SLC39A12: variants seen among roughly 807,000 people sequenced by gnomAD.
The protein encoded by SLC39A12 is zinc transporter ZIP12.
A neutral mutation model predicts 71.1 loss-of-function variants in SLC39A12; 63 were observed. That is an observed-to-expected ratio of 0.89 (90% CI 0.72 to 1.09). SLC39A12 has a LOEUF of 1.09. SLC39A12 is among the 50% of genes least tolerant of loss of function. The pLI, the probability that SLC39A12 is intolerant of heterozygous loss-of-function variation, is 0.00. For missense variants in SLC39A12, 892 were observed against 812.6 expected (o/e 1.10, Z -1.19); for synonymous variants, 351 against 301.3 (o/e 1.16, Z -1.71).
intron 4 of SLC39A12, among the ~76,000 whole-genome samples, chr10:17,976,441 G>C (rs1487075343): frequency 6.6e-6 from 1 of 152,112 alleles, no homozygotes; most frequent in Non-Finnish European, 1.5e-5. Context: ...TGTTGGTACA[G>C]ATTCTCACTC....
chr10:18,017,013 A>G (rs1282987767), intron 12 of SLC39A12, among the ~76,000 whole-genome samples: 1 of 152,094 alleles, frequency 6.6e-6, no homozygotes, highest in Non-Finnish European at 1.5e-5. Flanking sequence ...ATTGTCTTTC[A>G]CTGAACTGAG....
rs782103906 is a variant in SLC39A12, at chr10:17,961,708, C to T, written c.389C>T (p.Ser130Phe). 3 of 1,614,090 alleles carry T rather than the reference C, an allele frequency of 1.9e-6. No individual in the cohort carries two copies. The highest frequency in any genetic ancestry group is 2.5e-6 in the Non-Finnish European group (3 of 1,179,976). Reference sequence around the variant, plus strand: ...ATTATTCATCAGGAAGAGATCTGTTCTTCAAAGCTCAACATGAGTAATAAA... The same window carrying T: ...ATTATTCATCAGGAAGAGATCTGTTTTTCAAAGCTCAACATGAGTAATAAA... ...YYIIHQEEIC[S>F]SKLNMSNKEY... Residue 130 changes from serine to phenylalanine, a missense_variant, in exon 3 of 13, where the codon TCT becomes TTT. Ser to Phe is a radical substitution (Grantham distance 155). Transcript: ENST00000377369.
chr10:17,968,304 T>C (rs1435287266), intron 4 of SLC39A12, among the ~76,000 whole-genome samples: 3 of 152,192 alleles, frequency 2.0e-5, no homozygotes, highest in Non-Finnish European at 4.4e-5. Context: ...GCATCCTTAT[T>C]ATGTTTCTGA....
At chr10:18,025,554 G>T (rs1343781448) in intron 12 of SLC39A12, among the ~76,000 whole-genome samples, 1 of 152,168 alleles carries the variant, frequency 6.6e-6, no homozygotes, top group Non-Finnish European at 1.5e-5. Context: ...CCCTACAAAG[G>T]ACATGAACTC....
chr10:17,958,666 T>C (rs1834610185), intron 2 of SLC39A12, among the ~76,000 whole-genome samples: 1 of 152,220 alleles, frequency 6.6e-6, no homozygotes, highest in Non-Finnish European at 1.5e-5. Context: ...GCAAGTTTCT[T>C]ATCCGCTTTA....
At chr10:18,036,370 G>C (rs941300746) in intron 12 of SLC39A12, among the ~76,000 whole-genome samples, 8 of 151,986 alleles carry the variant, frequency 5.3e-5, no homozygotes, top group Admixed American at 1.3e-4. Flanking sequence ...TTTTTAAGCC[G>C]GTCTGAAAAG....
At chr10:18,013,564 A>C (rs1836294290) in intron 12 of SLC39A12, among the ~76,000 whole-genome samples, 1 of 151,918 alleles carries the variant, frequency 6.6e-6, no homozygotes, top group South Asian at 2.1e-4. Flanking sequence ...TACATATGGC[A>C]TGTCACTATG....
intron 3 of SLC39A12, among the ~76,000 whole-genome samples, chr10:17,964,777 A>G (rs1037292099): frequency 3.3e-5 from 5 of 152,226 alleles, no homozygotes; most frequent in Admixed American, 1.3e-4. Context: ...GCCTGTGTGA[A>G]GTCAGGGTAG....
intron 2 of SLC39A12, among the ~76,000 whole-genome samples, chr10:17,960,604 C>T (rs547950067): frequency 6.6e-6 from 1 of 152,302 alleles, no homozygotes; most frequent in Admixed American, 6.5e-5. Context: ...TAGTGGACCA[C>T]AGGTTCTCAT....
intron 4 of SLC39A12, among the ~76,000 whole-genome samples, chr10:17,974,511 G>A (rs776613134): frequency 3.3e-5 from 5 of 152,180 alleles, no homozygotes; most frequent in East Asian, 1.9e-4. Flanking sequence ...TGTTAACACC[G>A]TAGTTCTTGC....
In SLC39A12 at chr10:17,953,441, C is replaced by A; in HGVS notation, c.165C>A (p.His55Gln). ...TACAGGTTCTCTCTGCTGGTGACCA[C>A]CCACCCCACAACCACTCAAGAAGCC... ...DLLQVLSAGD[H>Q]PPHNHSRSLI... The change falls in exon 2 of 13, where the codon CAC becomes CAA. Residue 55 changes from histidine to glutamine, a missense_variant. Physicochemically the swap from His to Gln is conservative, Grantham distance 24. Coordinates refer to ENST00000377369, the MANE Select transcript of SLC39A12 (RefSeq NM_001145195.2). 6.2e-7 allele frequency: 1 copy of A among 1,614,174 alleles called. No homozygotes were observed.
At position 18,000,808 on chromosome 10, in the gene SLC39A12, A is replaced by C; in HGVS notation, c.1742A>C (p.Glu581Ala). 2 of 1,613,982 alleles carry C rather than the reference A, an allele frequency of 1.2e-6. No individual in the cohort carries two copies. The highest frequency in any genetic ancestry group is 1.7e-6 in the Non-Finnish European group (2 of 1,179,920). ...VTTTIAILCHEIPHEMGDFAV... is the reference protein window; with the variant it reads ...VTTTIAILCHAIPHEMGDFAV... ...ACTACGATTGCTATCTTGTGTCATGAAATCCCACATGAAATGGGTAAGTTC... is the reference window on the plus strand; with the variant it reads ...ACTACGATTGCTATCTTGTGTCATGCAATCCCACATGAAATGGGTAAGTTC... Residue 581 changes from glutamate (E) to alanine (A), a missense_variant, in exon 11 of 13, where the codon GAA becomes GCA. Glu to Ala is a moderately radical substitution (Grantham distance 107). Transcript: ENST00000377369.
At chr10:17,981,069 G>A (rs540758607) in intron 5 of SLC39A12, among the ~76,000 whole-genome samples, 6 of 152,058 alleles carry the variant, frequency 3.9e-5, no homozygotes, top group Non-Finnish European at 8.8e-5. Context: ...GAAAAACTGT[G>A]CAAAACTCAT....
intron 7 of SLC39A12, among the ~76,000 whole-genome samples, chr10:17,988,619 G>C (rs1835464573): frequency 6.6e-6 from 1 of 152,190 alleles, no homozygotes; most frequent in South Asian, 2.1e-4. Flanking sequence ...GTTCTGCCCA[G>C]AAGGCTGCAT....
intron 10 of SLC39A12, among the ~76,000 whole-genome samples, chr10:18,000,350 A>C (rs931568909): frequency 2.6e-5 from 4 of 152,238 alleles, no homozygotes; most frequent in African/African-American, 9.6e-5. Flanking sequence ...GAAGGTCATC[A>C]GTGGTACTTG....
intron 5 of SLC39A12, among the ~76,000 whole-genome samples, chr10:17,979,781 T>G (rs1473303644): frequency 6.6e-6 from 1 of 152,146 alleles, no homozygotes; most frequent in Non-Finnish European, 1.5e-5. Context: ...TCCTACTACT[T>G]GGGCAAAACT....
chr10:17,980,858 C>G (rs927701903), intron 5 of SLC39A12, among the ~76,000 whole-genome samples: 1 of 152,126 alleles, frequency 6.6e-6, no homozygotes, highest in Non-Finnish European at 1.5e-5. Flanking sequence ...TAAAAGTACA[C>G]GTTGCCTACA....
At chr10:17,965,876 G>A (rs771644495) in intron 4 of SLC39A12, among the ~76,000 whole-genome samples, 186 bp downstream of exon 4, 1 of 152,196 alleles carries the variant, frequency 6.6e-6, no homozygotes, top group Non-Finnish European at 1.5e-5. Context: ...AAAGCTATGC[G>A]GTGATGAGGC....
At chr10:17,994,089 T>C (rs563775947) in intron 9 of SLC39A12, among the ~76,000 whole-genome samples, 1 of 152,284 alleles carries the variant, frequency 6.6e-6, no homozygotes, top group Admixed American at 6.5e-5. Context: ...AAAATACGAT[T>C]TTAAGAGCCT....
Sources: allele counts gnomAD v4.1 joint callset (sites outside exome capture counted in the v4.1 genomes callset), GRCh38; gene constraint gnomAD v4.1.1; transcripts MANE v1.5; gene names NCBI Gene and HGNC (gene_info 2026-07-23, HGNC 2026-07-21).